SUGP2: variants seen among roughly 807,000 people sequenced by gnomAD.
SUGP2 encodes the protein SURP and G-patch domain containing 2.
A neutral mutation model predicts 90.5 loss-of-function variants in SUGP2; 24 were observed. The observed-to-expected ratio is 0.27, with a 90% CI of 0.19 to 0.37. The LOEUF (loss-of-function observed/expected upper bound fraction) is 0.37, where lower values mean the gene tolerates loss of function less well. Among genes scored for constraint, SUGP2 ranks in the 10% least tolerant of loss-of-function variants. The pLI is 1.00. For missense variants in SUGP2, 1,233 were observed against 1,363.3 expected (o/e 0.90, Z 1.51); for synonymous variants, 473 against 513.4 (o/e 0.92, Z 1.06).
chr19:19,027,660 C>T (rs1441690192), intron 2 of SUGP2, among the ~76,000 whole-genome samples: 1 of 150,828 alleles, frequency 6.6e-6, no homozygotes, highest in African/African-American at 2.4e-5. Flanking sequence ...GACAGAGTCT[C>T]GCTCTGTTGC....
intron 3 of SUGP2, among the ~76,000 whole-genome samples, chr19:19,021,206 CACTCA>C (rs1463049125): frequency 6.7e-6 from 1 of 149,544 alleles, no homozygotes; most frequent in Non-Finnish European, 1.5e-5. Flanking sequence ...TTTGTTCAGC[CACTCA>C]ACTCAATTAA....
chr19:18,998,586 G>A (rs1449751072), intron 8 of SUGP2, among the ~76,000 whole-genome samples: 3 of 151,598 alleles, frequency 2.0e-5, no homozygotes, highest in Non-Finnish European at 4.4e-5. Flanking sequence ...CTGTGTGTGT[G>A]TATGCATGTG....
chr19:19,001,434 C>G (rs1407860033), intron 8 of SUGP2, among the ~76,000 whole-genome samples, 179 bp downstream of exon 8: 1 of 152,222 alleles, frequency 6.6e-6, no homozygotes, highest in Non-Finnish European at 1.5e-5. Context: ...ATGCTTTGGA[C>G]AAAGGCAAAA....
At chr19:19,027,058 T>TC (rs2058963984) in intron 2 of SUGP2, among the ~76,000 whole-genome samples, 2 of 151,982 alleles carry the variant, frequency 1.3e-5, no homozygotes, top group South Asian at 4.1e-4. Flanking sequence ...GGTGGGAGGA[T>TC]CACTTGAGCC....
rs200275331 is a variant in SUGP2 at position 19,024,735 on chromosome 19, C to T, written c.1613G>A (p.Ser538Asn). Residue 538 changes from serine to asparagine, a missense_variant, in exon 3 of 11, where the codon AGC (serine) becomes AAC (asparagine). Transcript: ENST00000452918. ...IDHLKAWLVSSGCPLQVKKAE... is the reference protein window; with the variant it reads ...IDHLKAWLVSNGCPLQVKKAE... ...TTTCTTAACCTGGAGGGGACATCCG[C>T]TGCTGACTAGCCAGGCCTTCAGGTG... 176 of 1,614,192 alleles carry T rather than the reference C, an allele frequency of 1.1e-4. 1 individual carries two copies. Among genetic ancestry groups the T allele is most frequent in the Non-Finnish European group, 2.2e-5 (26 of 1,180,046 alleles).
intron 8 of SUGP2, among the ~76,000 whole-genome samples, chr19:18,997,782 CAA>C (rs35875282): frequency 0.21 from 18,650 of 87,290 alleles, 1,151 homozygotes; most frequent in East Asian, 0.32. Context: ...GACTCCGTCT[CAA>C]AAAAAAAAAA....
chr19:19,025,120 C>T lies in SUGP2; in HGVS notation c.1228G>A (p.Gly410Ser), dbSNP rs1347353499. ...NEFLNMLLDK[G>S]AVKTKNCFFE... ...AAGCAATTTTTGGTCTTCACAGCAC[C>T]TTTGTCTAAAAGCATGTTTAAAAAC... The change falls in exon 3 of 11, where the codon GGT (glycine) becomes AGT (serine). Residue 410 changes from glycine (G) to serine (S), a missense_variant. Coordinates refer to ENST00000452918, the MANE Select transcript of SUGP2 (RefSeq NM_001017392.5). 1 of 1,613,786 alleles carries T rather than the reference C, an allele frequency of 6.2e-7. No homozygotes were observed. Among genetic ancestry groups the T allele is most frequent in the Admixed American group, 1.7e-5 (1 of 59,930 alleles).
chr19:19,009,748 A>T, intron 5 of SUGP2, 107 bp downstream of exon 5: 1 of 1,414,192 alleles, frequency 7.1e-7, no homozygotes, highest in Non-Finnish European at 9.5e-7. Flanking sequence ...TAGAGCTTTT[A>T]TCCACTGCCT....
At chr19:18,994,978 T>A (rs1568370766) in intron 9 of SUGP2, 166 bp downstream of exon 9, 1 of 794,284 alleles carries the variant, frequency 1.3e-6, no homozygotes, top group Non-Finnish European at 2.0e-6. Context: ...TGTAAACACC[T>A]GCACATGTAA....
Position 19,024,628 on chromosome 19 carries a change from G to C in SUGP2, c.1720C>G (p.Leu574Val). Residue 574 changes from leucine (L) to valine (V), a missense_variant, in exon 3 of 11, where the codon CTG (leucine) becomes GTG (valine). Around this residue, in one of 8 missense-constraint regions of SUGP2, gnomAD observed 540 missense variants for 542.6 expected, o/e 1.00. Transcript: ENST00000452918. ...PEIQAKAPSS[L>V]SDAVPQRADH... is the part of the protein sequence containing the mutation. ...TGGCTGATTTCCTTACCATCACTCAGACTACTTGGAGCCTTGGCCTGAATT... is the reference window on the plus strand; with the variant it reads ...TGGCTGATTTCCTTACCATCACTCACACTACTTGGAGCCTTGGCCTGAATT... 1.2e-6 allele frequency: 2 copies of C among 1,611,688 alleles called. No individual in the cohort carries two copies. The highest frequency in any genetic ancestry group is 1.7e-6 in the Non-Finnish European group (2 of 1,178,594).
intron 8 of SUGP2, 70 bp downstream of exon 8, chr19:19,001,543 C>A (rs1361257086): frequency 6.9e-7 from 1 of 1,455,998 alleles, no homozygotes; most frequent in Non-Finnish European, 9.6e-7. Flanking sequence ...CAAGCTGCAG[C>A]ATCCTTTGGA....
rs760237195 is a variant in SUGP2 at position 19,001,596 on chromosome 19, C to T, written c.2991+17G>A. ...CCAACTATACTTTGAGTGAGGACTA[C>T]CAATGATTACGCTCACCTTCTTTTT... is the stretch of plus-strand genomic sequence containing the variant. On this transcript the variant is annotated intron_variant, in intron 8 of 10. Transcript: ENST00000452918. 6.2e-7 allele frequency: 1 copy of T among 1,613,804 alleles called. No homozygotes were observed. The highest frequency in any genetic ancestry group is 1.1e-5 in the South Asian group (1 of 91,068).
chr19:19,009,804 G>C, intron 5 of SUGP2, 51 bp downstream of exon 5: 2 of 1,537,662 alleles, frequency 1.3e-6, no homozygotes, highest in Non-Finnish European at 1.7e-6. Flanking sequence ...CCCTGGAGAT[G>C]GGAGAGTAGG....
At chr19:19,013,417 T>G (rs1454305546) in intron 4 of SUGP2, among the ~76,000 whole-genome samples, 1 of 152,158 alleles carries the variant, frequency 6.6e-6, no homozygotes, top group African/African-American at 2.4e-5. Context: ...TGTTTTTGCT[T>G]CTTTCTCTCT....
chr19:19,014,514 T>C (rs900618773), intron 4 of SUGP2, among the ~76,000 whole-genome samples: 8 of 152,038 alleles, frequency 5.3e-5, no homozygotes, highest in South Asian at 4.1e-4. Flanking sequence ...ATAAAAAGAA[T>C]TTATTAAGGC....
chr19:19,002,989 T>C (rs2057906950), intron 7 of SUGP2, among the ~76,000 whole-genome samples: 1 of 151,988 alleles, frequency 6.6e-6, no homozygotes, highest in Non-Finnish European at 1.5e-5. Flanking sequence ...TTTTTTTTCT[T>C]GTAAAGATTA....
intron 3 of SUGP2, among the ~76,000 whole-genome samples, chr19:19,020,226 G>A (rs1312114742): frequency 2.0e-5 from 3 of 151,536 alleles, no homozygotes; most frequent in Non-Finnish European, 4.4e-5. Flanking sequence ...TCAGGAGATC[G>A]AGACCAGCCT....
In SUGP2 at chr19:19,010,353, A is replaced by T. The variant is rs143683059; in HGVS notation, c.1851-11T>A. On this transcript the variant is annotated splice_polypyrimidine_tract_variant and intron_variant, in intron 4 of 10. Transcript: ENST00000452918. ...TCATCAGACAAAAACCTAGATAACAAAACAAGCATAACGGGACATTTATGA... is the reference window on the plus strand; with the variant it reads ...TCATCAGACAAAAACCTAGATAACATAACAAGCATAACGGGACATTTATGA... 8,167 of 1,604,068 alleles carry T rather than the reference A, an allele frequency of 5.1e-3. 24 individuals are homozygous for T. Among genetic ancestry groups the T allele is most frequent in the Non-Finnish European group, 6.1e-3 (7,120 of 1,176,842 alleles).
intron 10 of SUGP2, 38 bp from the exon 11 acceptor site, chr19:18,993,778 T>G: frequency 6.7e-6 from 1 of 149,432 alleles, no homozygotes; most frequent in African/African-American, 2.5e-5. Context: ...AAAACTGAGG[T>G]GGAAATTAGG....
Sources: allele counts gnomAD v4.1 joint callset (sites outside exome capture counted in the v4.1 genomes callset), GRCh38; gene constraint gnomAD v4.1.1; regional missense constraint gnomAD v4.1.1; transcripts MANE v1.5; gene names NCBI Gene and HGNC (gene_info 2026-07-23, HGNC 2026-07-21).